The following CACNB2 variants were observed in gnomAD, a reference collection of about 807,000 sequenced individuals.
CACNB2 encodes the protein voltage-dependent L-type calcium channel subunit beta-2.
CACNB2 carries 42 observed loss-of-function variants against 73.3 expected under a neutral mutation model. The ratio of observed to expected loss-of-function variants is 0.57; its 90% confidence interval spans 0.45 to 0.74. The LOEUF is 0.74. Ranked by LOEUF, CACNB2 falls within the 30% of genes least tolerant of loss-of-function variation. CACNB2 has a pLI of 0.00. For synonymous variants in CACNB2, 348 were observed against 310.3 expected, an observed-to-expected ratio of 1.12 and a Z score of -1.28; for missense variants, 940 against 853.0, an observed-to-expected ratio of 1.10 and a Z score of -1.27.
intron 2 of CACNB2, among the ~76,000 whole-genome samples, chr10:18,282,720 G>T (rs1178421069): frequency 2.0e-5 from 3 of 151,432 alleles, no homozygotes; most frequent in Non-Finnish European, 4.4e-5. Flanking sequence ...TCCTTTTATT[G>T]TCTGCCTTGT....
intron 2 of CACNB2, among the ~76,000 whole-genome samples, chr10:18,373,593 A>C (rs2042675281): frequency 6.6e-6 from 1 of 152,188 alleles, no homozygotes; most frequent in South Asian, 2.1e-4. Context: ...GGGCCAGCCA[A>C]CTGCAAAATC....
At chr10:18,333,725 T>G (rs1196015671) in intron 2 of CACNB2, among the ~76,000 whole-genome samples, 1 of 152,202 alleles carries the variant, frequency 6.6e-6, no homozygotes, top group Non-Finnish European at 1.5e-5. Context: ...TCTTGTATAA[T>G]CAAAGATGAC....
intron 3 of CACNB2, among the ~76,000 whole-genome samples, chr10:18,497,104 C>T (rs556791235): frequency 2.0e-5 from 3 of 149,910 alleles, no homozygotes; most frequent in African/African-American, 7.4e-5. Context: ...CCAAGCTACT[C>T]GGGAGGCTGA....
At chr10:18,249,534 G>T (rs957821074) in intron 2 of CACNB2, among the ~76,000 whole-genome samples, 1 of 152,194 alleles carries the variant, frequency 6.6e-6, no homozygotes. Flanking sequence ...ACTCATTTCA[G>T]ACTCTTGACT....
chr10:18,235,902 G>C (rs575495108), intron 2 of CACNB2, among the ~76,000 whole-genome samples: 20 of 152,132 alleles, frequency 1.3e-4, no homozygotes, highest in Non-Finnish European at 2.1e-4. Flanking sequence ...TTTCCCCCTT[G>C]CTGTTCTCAT....
intron 1 of CACNB2, among the ~76,000 whole-genome samples, chr10:18,143,404 A>G (rs2030635127): frequency 6.6e-6 from 1 of 152,364 alleles, no homozygotes; most frequent in South Asian, 2.1e-4. Flanking sequence ...TCAAAGTTCA[A>G]TTCACAGGAA....
At chr10:18,227,296 T>A (rs547285712) in intron 2 of CACNB2, among the ~76,000 whole-genome samples, 2 of 150,622 alleles carry the variant, frequency 1.3e-5, no homozygotes. Flanking sequence ...AAGCGCAGAT[T>A]TGGGGCCCCT....
chr10:18,293,427 C>G (rs924417771), intron 2 of CACNB2, among the ~76,000 whole-genome samples: 2 of 152,140 alleles, frequency 1.3e-5, no homozygotes, highest in Non-Finnish European at 2.9e-5. Context: ...AGAAAAGAGT[C>G]GTTTCAGAAG....
chr10:18,462,741 A>C (rs1458372666), intron 3 of CACNB2, among the ~76,000 whole-genome samples: 1 of 151,422 alleles, frequency 6.6e-6, no homozygotes, highest in African/African-American at 2.4e-5. Flanking sequence ...TTTTTTACTT[A>C]CGTATTTTAT....
intron 2 of CACNB2, among the ~76,000 whole-genome samples, chr10:18,152,722 A>AC (rs1258499870): frequency 3.7e-5 from 5 of 133,562 alleles, no homozygotes; most frequent in Non-Finnish European, 6.2e-5. Context: ...AAAAAAAAAA[A>AC]AAAAAAAAAA....
intron 2 of CACNB2, among the ~76,000 whole-genome samples, chr10:18,194,316 C>A (rs1466138862): frequency 1.3e-5 from 2 of 152,128 alleles, no homozygotes; most frequent in African/African-American, 4.8e-5. Flanking sequence ...CAACTCCAGG[C>A]CCCCCAGCTG....
At chr10:18,522,747 G>A (rs565355662) in intron 9 of CACNB2, among the ~76,000 whole-genome samples, 3 of 151,972 alleles carry the variant, frequency 2.0e-5, no homozygotes, top group East Asian at 1.9e-4. Context: ...GCATGTTGGC[G>A]GGTGCCTGCA....
intron 2 of CACNB2, among the ~76,000 whole-genome samples, chr10:18,368,308 G>A (rs1393102985): frequency 6.6e-6 from 1 of 151,998 alleles, no homozygotes; most frequent in African/African-American, 2.4e-5. Flanking sequence ...CGGGTCACTG[G>A]CAATATGGAA....
chr10:18,374,308 A>T (rs565491996), intron 2 of CACNB2, among the ~76,000 whole-genome samples: 1 of 152,226 alleles, frequency 6.6e-6, no homozygotes, highest in African/African-American at 2.4e-5. Context: ...TGGAATCACA[A>T]GATCACCTTT....
Position 18,495,582 on chromosome 10 carries a change from T to TGTGTGTGTGTGTGTGTGTGTG in CACNB2, c.334-2763_334-2762insGTGTGTGTGTGGTGTGTGTGT, listed in dbSNP as rs879828645. Among the ~76,000 whole-genome samples, 399 of 135,466 alleles carry TGTGTGTGTGTGTGTGTGTGTG rather than the reference T, an allele frequency of 2.9e-3. 5 individuals carry two copies. The highest frequency in any genetic ancestry group is 0.01 in the African/African-American group (365 of 36,028). 88.9% of individuals were successfully genotyped at this position (135,466 alleles called of 152,430 possible). On this transcript the variant is annotated intron_variant, in intron 3 of 13. Coordinates refer to ENST00000324631, the MANE Select transcript of CACNB2 (RefSeq NM_201596.3). The stretch of plus-strand genomic sequence containing the variant: ...GTGTGTGTGTGTGTGTGTGTGTGTG[T>TGTGTGTGTGTGTGTGTGTGTG]GTGTGTGTGTATAAGAGATGAGGTC...
intron 2 of CACNB2, among the ~76,000 whole-genome samples, chr10:18,319,743 G>A (rs553847859): frequency 3.9e-4 from 59 of 152,308 alleles, no homozygotes; most frequent in African/African-American, 1.3e-3. Flanking sequence ...AAATTAAGGG[G>A]AAGTGTGAGC....
At chr10:18,158,425 A>G (rs2032214595) in intron 2 of CACNB2, among the ~76,000 whole-genome samples, 1 of 152,238 alleles carries the variant, frequency 6.6e-6, no homozygotes, top group African/African-American at 2.4e-5. Flanking sequence ...GAGATTCAAT[A>G]CATAAAGCTA....
intron 2 of CACNB2, among the ~76,000 whole-genome samples, chr10:18,280,625 G>C (rs942109996): frequency 4.6e-5 from 7 of 152,114 alleles, no homozygotes; most frequent in Non-Finnish European, 8.8e-5. Context: ...ACAGTACACA[G>C]AATGTACAAC....
chr10:18,422,939 C>G (rs1034378174), intron 3 of CACNB2, among the ~76,000 whole-genome samples: 1 of 152,218 alleles, frequency 6.6e-6, no homozygotes. Flanking sequence ...CTCAGGTGAT[C>G]CACCCATGTT....
Sources: gnomAD v4.1 joint callset for allele counts (sites outside exome capture counted in the v4.1 genomes callset) on GRCh38, gnomAD v4.1.1 for gene constraint, MANE v1.5 for transcripts, NCBI Gene and HGNC (gene_info 2026-07-23, HGNC 2026-07-21) for gene names.